Variants in RNF135 observed in about 807,000 individuals in gnomAD.
RNF135 encodes the protein ring finger protein 135, also known as E3 ubiquitin-protein ligase RNF135.
RNF135 carries 46 observed loss-of-function variants against 41.9 expected under a neutral mutation model. That is an observed-to-expected ratio of 1.10 (90% CI 0.87 to 1.40). RNF135 has a LOEUF of 1.40. Ranked by LOEUF, RNF135 falls within the 40% of genes most tolerant of loss-of-function variation. RNF135 has a pLI of 0.00. For synonymous variants in RNF135, 238 were observed against 223.8 expected, an observed-to-expected ratio of 1.06 and a Z score of -0.57; for missense variants, 539 against 549.8, an observed-to-expected ratio of 0.98 and a Z score of 0.20.
At chr17:30,960,720 ATTTTATTTTATTTATTTTATTTTAT>A in the RNF135 span, among the ~76,000 whole-genome samples, 1 of 126,984 alleles carries the variant, frequency 7.9e-6, no homozygotes, top group African/African-American at 5.0e-5. Context: ...ATTTTATTTT[ATTTTATTTTATTTATTTTATTTTAT>A]TTTTTTTTTT....
intron 1 of RNF135, chr17:30,975,655 A>G (rs150230306): frequency 1.5e-5 from 19 of 1,266,260 alleles, no homozygotes; most frequent in Non-Finnish European, 2.0e-5. Context: ...AACCGCCAAT[A>G]CCGGAGGGTG....
At chr17:30,987,133 G>T (rs922235643) in intron 2 of RNF135, among the ~76,000 whole-genome samples, 56 of 152,272 alleles carry the variant, frequency 3.7e-4, no homozygotes, top group African/African-American at 1.0e-3. Flanking sequence ...CAGGGAGCAT[G>T]TGTTGAAGGC....
At chr17:30,964,304 G>C in the RNF135 span, among the ~76,000 whole-genome samples, 1 of 144,442 alleles carries the variant, frequency 6.9e-6, no homozygotes, top group Non-Finnish European at 1.5e-5. Context: ...CAGGAGAATC[G>C]CTTGAACCCG....
intron 1 of RNF135, chr17:30,975,649 GC>G: frequency 8.2e-7 from 1 of 1,217,868 alleles, no homozygotes; most frequent in East Asian, 2.3e-5. Flanking sequence ...CTCCACAACC[GC>G]CAATACCGGA....
At chr17:30,979,851 C>CG (rs1326226851) in intron 1 of RNF135, among the ~76,000 whole-genome samples, 5 of 111,602 alleles carry the variant, frequency 4.5e-5, no homozygotes, top group Non-Finnish European at 7.6e-5. Flanking sequence ...GCTGGCCAGG[C>CG]GGGGGGGCTG....
At chr17:30,970,416 C>A (rs1197877698), upstream of RNF135, 3 of 152,822 alleles carry the variant, frequency 2.0e-5, no homozygotes, top group Non-Finnish European at 4.4e-5. Context: ...TGCATTATAC[C>A]TGCGAGTTAA....
chr17:30,984,807 G>C, intron 2 of RNF135, 47 bp downstream of exon 2: 1 of 1,601,220 alleles, frequency 6.2e-7, no homozygotes, highest in South Asian at 1.1e-5. Flanking sequence ...AATAGGGCTA[G>C]GGATTGCTTT....
chr17:30,970,802 C>G (rs1242802886), upstream of RNF135: 2 of 542,524 alleles, frequency 3.7e-6, no homozygotes, highest in African/African-American at 4.0e-5. Flanking sequence ...ATCTTGGAGA[C>G]CTCCGCGGGT....
At chr17:30,986,534 G>A (rs753490400) in intron 2 of RNF135, among the ~76,000 whole-genome samples, 10 of 152,152 alleles carry the variant, frequency 6.6e-5, no homozygotes, top group Admixed American at 3.3e-4. Flanking sequence ...GTCCCCAGGC[G>A]CTAGCACAGT....
chr17:30,964,389 C>CAA, the RNF135 span, among the ~76,000 whole-genome samples: 1,227 of 36,464 alleles, frequency 0.034, 131 homozygotes, highest in African/African-American at 0.08. Flanking sequence ...GACTTCATCT[C>CAA]AAAAAAAAAA....
upstream of RNF135, among the ~76,000 whole-genome samples, chr17:30,967,954 C>A (rs1274915864): frequency 1.3e-5 from 2 of 151,918 alleles, no homozygotes; most frequent in Non-Finnish European, 2.9e-5. Flanking sequence ...CATGAGCCAC[C>A]GCACTCGGCC....
In RNF135 at chr17:30,987,940, A is replaced by G. The variant is rs775352170; in HGVS notation, c.517-4A>G. 10 of 1,613,826 alleles carry G rather than the reference A, an allele frequency of 6.2e-6. No homozygotes were observed. The highest frequency in any genetic ancestry group is 2.2e-5 in the East Asian group (1 of 44,898). ...TTATTCAGTTTTAAATGGTTTATCA[A>G]TAGGCTTTTTCTTCTGGGGTGGATC... On this transcript the variant is annotated splice_polypyrimidine_tract_variant and splice_region_variant and intron_variant, in intron 2 of 4. Transcript: ENST00000328381.
At chr17:30,979,359 G>T (rs1490997860) in intron 1 of RNF135, among the ~76,000 whole-genome samples, 10 of 127,618 alleles carry the variant, frequency 7.8e-5, no homozygotes, top group African/African-American at 3.1e-4. Context: ...CTGGCCGGGC[G>T]GGGGGCTGTC....
At chr17:30,983,335 ATATATATATATATATATATTTT>A (rs1362121567) in intron 1 of RNF135, among the ~76,000 whole-genome samples, 3 of 25,790 alleles carry the variant, frequency 1.2e-4, no homozygotes, top group Non-Finnish European at 2.8e-4. Context: ...ATATATATAT[ATATATATATATATATATATTTT>A]TTTTTTTTTT....
Position 30,999,236 on chromosome 17 carries a change from C to T in RNF135, c.*45C>T, listed in dbSNP as rs776138029. 1 of 1,590,642 alleles carries T rather than the reference C, an allele frequency of 6.3e-7. No individual in the cohort carries two copies. Among genetic ancestry groups the T allele is most frequent in the South Asian group, 1.1e-5 (1 of 90,638 alleles). On this transcript the variant is annotated 3_prime_UTR_variant, in exon 5 of 5. Transcript: ENST00000328381. Reference sequence around the variant, plus strand: ...ACACAGTGGTTTCCTGGTCTCTCTCCCTGTCATCAATCAGGGTAGTAACTT... The same window carrying T: ...ACACAGTGGTTTCCTGGTCTCTCTCTCTGTCATCAATCAGGGTAGTAACTT...
rs958727807 is a variant in RNF135, at chr17:30,971,400, C to T, written c.327C>T (p.Leu109=). 31 of 1,520,116 alleles carry T rather than the reference C, an allele frequency of 2.0e-5. No homozygotes were observed. The highest frequency in any genetic ancestry group is 7.2e-5 in the African/African-American group (5 of 69,626). The allele number at this position is 1,520,116 out of a possible 1,614,324, so 94.2% of individuals were successfully genotyped here. ...AHCPCPGSSS[L]SSAAARPRRR... ...GCCCCTGCCCGGGCTCCAGTTCCCT[C>T]TCCAGCGCGGCCGCGAGGCCCCGGC... The change falls in exon 1 of 5, where the codon CTC becomes CTT. Residue 109 remains leucine, a synonymous_variant. Coordinates refer to ENST00000328381, the MANE Select transcript of RNF135 (RefSeq NM_032322.4).
At chr17:30,985,044 G>T (rs1907490731) in intron 2 of RNF135, among the ~76,000 whole-genome samples, 1 of 152,128 alleles carries the variant, frequency 6.6e-6, no homozygotes, top group Non-Finnish European at 1.5e-5. Flanking sequence ...GCGTTCTGGT[G>T]CCTGTCTTCA....
intron 3 of RNF135, among the ~76,000 whole-genome samples, chr17:30,988,416 ATT>A (rs56955275): frequency 1.8e-4 from 15 of 81,888 alleles, no homozygotes; most frequent in African/African-American, 6.6e-4. Flanking sequence ...GCCACTTTTA[ATT>A]TTTTTTTTTT....
intron 3 of RNF135, chr17:30,993,823 T>C: frequency 1.1e-6 from 1 of 905,366 alleles, no homozygotes; most frequent in Non-Finnish European, 1.7e-6. Flanking sequence ...TTAATTAATT[T>C]TTTTATTTTG....
Sources: gnomAD v4.1 joint callset for allele counts (sites outside exome capture counted in the v4.1 genomes callset) on GRCh38, gnomAD v4.1.1 for gene constraint, MANE v1.5 for transcripts, NCBI Gene and HGNC (gene_info 2026-07-23, HGNC 2026-07-21) for gene names.